Variants in PTN observed in about 807,000 individuals in gnomAD.
The protein encoded by PTN is pleiotrophin.
PTN carries 18 observed loss-of-function variants against 24.1 expected under a neutral mutation model. The ratio of observed to expected loss-of-function variants is 0.75; its 90% CI spans 0.52 to 1.11. PTN has a LOEUF of 1.11. Ranked by LOEUF, PTN falls within the 50% of genes least tolerant of loss-of-function variation. PTN has a pLI of 0.00. For missense variants in PTN, 163 were observed against 198.8 expected, an observed-to-expected ratio of 0.82 and a Z score of 1.08; for synonymous variants, 78 against 68.6, an observed-to-expected ratio of 1.14 and a Z score of -0.67.
chr7:137,307,811 C>T (rs1276395226), intron 1 of PTN, among the ~76,000 whole-genome samples: 1 of 152,262 alleles, frequency 6.6e-6, no homozygotes, highest in African/African-American at 2.4e-5. Flanking sequence ...TGCCCAAAGT[C>T]ACTGATGAAG....
intron 4 of PTN, among the ~76,000 whole-genome samples, chr7:137,239,800 G>A (rs140106420): frequency 9.3e-4 from 142 of 152,254 alleles, no homozygotes; most frequent in Admixed American, 2.7e-3. Context: ...TATACGAAGA[G>A]TTTGCCTGTT....
intron 1 of PTN, among the ~76,000 whole-genome samples, chr7:137,307,735 G>T (rs2128879397): frequency 6.6e-6 from 1 of 152,146 alleles, no homozygotes; most frequent in Non-Finnish European, 1.5e-5. Flanking sequence ...CAAGTTGATA[G>T]TGTGCTTTAA....
intron 1 of PTN, among the ~76,000 whole-genome samples, chr7:137,272,533 C>T (rs1287932042): frequency 4.6e-5 from 7 of 152,178 alleles, no homozygotes; most frequent in Non-Finnish European, 8.8e-5. Context: ...TCATTCACAA[C>T]CCTGAATGTG....
At chr7:137,233,746 T>C (rs776211878) in intron 4 of PTN, among the ~76,000 whole-genome samples, 96 of 151,884 alleles carry the variant, frequency 6.3e-4, no homozygotes, top group Non-Finnish European at 1.1e-3. Context: ...AATGAATTAC[T>C]AGAAAGAAAG....
chr7:137,250,139 A>G (rs1432669112), intron 4 of PTN, among the ~76,000 whole-genome samples: 1 of 152,184 alleles, frequency 6.6e-6, no homozygotes, highest in African/African-American at 2.4e-5. Flanking sequence ...GAGGCCAAGA[A>G]GGTATTTGAA....
rs372201787 is a variant in PTN at position 137,233,702 on chromosome 7, CAT to C, written c.452-5629_452-5628del. ...CTAATTTACTACTACAATCCAGAGA[CAT>C]GTGTTGTGAAAAATAGAGCAGCCAC... On this transcript the variant is annotated intron_variant, in intron 4 of 4. Coordinates refer to ENST00000348225, the MANE Select transcript of PTN (RefSeq NM_002825.7). Among the ~76,000 whole-genome samples the C allele has an allele frequency of 4.3e-3, 648 of 151,794 alleles. 5 individuals carry two copies. The highest frequency in any genetic ancestry group is 0.015 in the African/African-American group (613 of 41,412).
rs1585042235 is a variant in PTN at position 137,316,998 on chromosome 7, G to T, written c.-2+26441C>A. On this transcript the variant is annotated intron_variant, in intron 1 of 4. Coordinates refer to ENST00000348225, the MANE Select transcript of PTN (RefSeq NM_002825.7). ...GTCCCCAAGCCCGGCCTCTCCATTGGAGGTGGGGTTCTCTCAGGTTGGTGG... is the reference window on the plus strand; with the variant it reads ...GTCCCCAAGCCCGGCCTCTCCATTGTAGGTGGGGTTCTCTCAGGTTGGTGG... Among the ~76,000 whole-genome samples the T allele has an allele frequency of 2.6e-5, 4 of 152,164 alleles. No homozygotes were observed. In the South Asian group the frequency reaches 8.3e-4, roughly 32 times the overall value.
chr7:137,269,622 C>CAATTTTTTTTTTTTTT (rs1563206774), intron 1 of PTN, among the ~76,000 whole-genome samples: 2 of 106,066 alleles, frequency 1.9e-5, no homozygotes, highest in African/African-American at 9.0e-5. Flanking sequence ...GCTGCTTCAT[C>CAATTTTTTTTTTTTTT]TATTTTTTTT....
At chr7:137,321,083 G>A (rs552775269) in intron 1 of PTN, among the ~76,000 whole-genome samples, 1 of 152,124 alleles carries the variant, frequency 6.6e-6, no homozygotes, top group Non-Finnish European at 1.5e-5. Context: ...TTAAGGAAAC[G>A]ACCCAACAGC....
chr7:137,263,167 C>T (rs1490237584), intron 1 of PTN, among the ~76,000 whole-genome samples: 3 of 152,116 alleles, frequency 2.0e-5, no homozygotes, highest in Non-Finnish European at 4.4e-5. Context: ...TGAAGAAGTA[C>T]AGGTAGCAAA....
At chr7:137,256,544 A>T (rs2128871774) in intron 1 of PTN, among the ~76,000 whole-genome samples, 1 of 152,092 alleles carries the variant, frequency 6.6e-6, no homozygotes, top group African/African-American at 2.4e-5. Context: ...TATGTACCAA[A>T]TTTTCTTTAT....
chr7:137,247,174 C>A (rs1000471013), intron 4 of PTN, among the ~76,000 whole-genome samples: 2 of 152,044 alleles, frequency 1.3e-5, no homozygotes, highest in Non-Finnish European at 2.9e-5. Flanking sequence ...AGCTTCCACC[C>A]AAAATAAAGG....
chr7:137,285,202 C>T (rs1031925913), intron 1 of PTN, among the ~76,000 whole-genome samples: 6 of 152,110 alleles, frequency 3.9e-5, no homozygotes, highest in South Asian at 2.1e-4. Context: ...TAATTTTTCT[C>T]AGTGAGAAAT....
intron 1 of PTN, among the ~76,000 whole-genome samples, chr7:137,265,786 T>C (rs1004853164): frequency 3.3e-5 from 5 of 152,252 alleles, no homozygotes; most frequent in Admixed American, 1.3e-4. Flanking sequence ...ATGGAATATT[T>C]GATCCATTCC....
intron 4 of PTN, among the ~76,000 whole-genome samples, chr7:137,240,973 A>T (rs1808618131): frequency 6.6e-6 from 1 of 152,222 alleles, no homozygotes; most frequent in Non-Finnish European, 1.5e-5. Context: ...TACATAAACA[A>T]AAGAGGTTTA....
At chr7:137,266,143 C>T (rs1298428856) in intron 1 of PTN, among the ~76,000 whole-genome samples, 1 of 152,122 alleles carries the variant, frequency 6.6e-6, no homozygotes, top group East Asian at 1.9e-4. Context: ...GAGATTGGTG[C>T]TTTAAGAAAA....
At chr7:137,293,163 G>T (rs1585032508) in intron 1 of PTN, among the ~76,000 whole-genome samples, 1 of 152,068 alleles carries the variant, frequency 6.6e-6, no homozygotes, top group East Asian at 1.9e-4. Flanking sequence ...GTTAACATAA[G>T]TTGGGTCTTG....
intron 1 of PTN, among the ~76,000 whole-genome samples, chr7:137,342,714 G>A (rs1247958934): frequency 6.6e-6 from 1 of 152,106 alleles, no homozygotes; most frequent in Admixed American, 6.6e-5. Flanking sequence ...TAGTAAATTA[G>A]TAACAAATAT....
chr7:137,288,513 T>C (rs191685189), intron 1 of PTN, among the ~76,000 whole-genome samples: 132 of 152,314 alleles, frequency 8.7e-4, no homozygotes, highest in African/African-American at 2.9e-3. Context: ...GGGCCTCCAA[T>C]GAAAACAGCA....
Sources: gnomAD v4.1 joint callset for allele counts (sites outside exome capture counted in the v4.1 genomes callset) on GRCh38, gnomAD v4.1.1 for gene constraint, MANE v1.5 for transcripts, NCBI Gene and HGNC (gene_info 2026-07-23, HGNC 2026-07-21) for gene names.